PROSER2: variants seen among roughly 807,000 people sequenced by gnomAD.
PROSER2 encodes the protein proline and serine-rich protein 2.
A neutral mutation model predicts 14.6 loss-of-function variants in PROSER2; 18 were observed. That is an observed-to-expected ratio of 1.23 (90% CI 0.85 to 1.83). The LOEUF is 1.83. Among genes scored for constraint, PROSER2 ranks in the 40% most tolerant of loss-of-function variants. The pLI is 0.00. For synonymous variants in PROSER2, 367 were observed against 286.4 expected, an observed-to-expected ratio of 1.28 and a Z score of -2.84; for missense variants, 823 against 629.8, an observed-to-expected ratio of 1.31 and a Z score of -3.28.
At chr10:11,868,296 G>A (rs180879680) in intron 3 of PROSER2, among the ~76,000 whole-genome samples, 1 of 152,284 alleles carries the variant, frequency 6.6e-6, no homozygotes, top group Admixed American at 6.5e-5. Context: ...ATTTTTCTGA[G>A]ACAGGAACTC....
intron 1 of PROSER2, among the ~76,000 whole-genome samples, chr10:11,839,324 C>T (rs1000226864): frequency 1.3e-5 from 2 of 151,942 alleles, no homozygotes; most frequent in Non-Finnish European, 2.9e-5. Flanking sequence ...TAAGAAAGGC[C>T]TAAATTTGCA....
rs58498573 is a variant in PROSER2 at position 11,870,853 on chromosome 10, T to TA, written c.*456dup. 5,047 of 167,912 alleles carry TA rather than the reference T, an allele frequency of 0.03. 179 individuals are homozygous for TA. Among genetic ancestry groups the TA allele is most frequent in the East Asian group, 0.18 (947 of 5,222 alleles). 10.4% of individuals were successfully genotyped at this position (167,912 alleles called of 1,614,324 possible). ...CTCGCCGCCTTTTCTAAGAAAATAA[T>TA]AAAAAAAAATGCTTGTTTCATTTTT... is the stretch of plus-strand genomic sequence containing the variant. On this transcript the variant is annotated 3_prime_UTR_variant, in exon 4 of 4. Transcript: ENST00000277570.
intron 1 of PROSER2, among the ~76,000 whole-genome samples, chr10:11,839,367 A>G (rs1442155516): frequency 6.6e-6 from 1 of 152,164 alleles, no homozygotes; most frequent in Non-Finnish European, 1.5e-5. Flanking sequence ...AGATTGATAA[A>G]TTCAACTACA....
At chr10:11,861,314 A>C (rs1289671355) in intron 2 of PROSER2, among the ~76,000 whole-genome samples, 2 of 152,096 alleles carry the variant, frequency 1.3e-5, no homozygotes, top group African/African-American at 4.8e-5. Context: ...GTAACCATGC[A>C]CGCCGTGTTT....
intron 1 of PROSER2, among the ~76,000 whole-genome samples, chr10:11,831,239 TG>T (rs138211708): frequency 0.017 from 2,556 of 152,246 alleles, 24 homozygotes; most frequent in Non-Finnish European, 0.021. Context: ...GTGGGGGTGT[TG>T]GGGGAGCACT....
intron 1 of PROSER2, among the ~76,000 whole-genome samples, chr10:11,843,555 A>G (rs1470112424): frequency 6.6e-6 from 1 of 152,004 alleles, no homozygotes; most frequent in Admixed American, 6.6e-5. Context: ...GCGTGGTAGC[A>G]CACGCCTATA....
At chr10:11,857,104 G>C (rs1834136056) in intron 2 of PROSER2, among the ~76,000 whole-genome samples, 1 of 152,066 alleles carries the variant, frequency 6.6e-6, no homozygotes, top group Non-Finnish European at 1.5e-5. Flanking sequence ...ATAAGACTCA[G>C]TTTGCCCCCT....
chr10:11,843,907 T>C (rs1833886847), intron 1 of PROSER2, among the ~76,000 whole-genome samples: 1 of 152,046 alleles, frequency 6.6e-6, no homozygotes, highest in South Asian at 2.1e-4. Context: ...TTTTTTTTTT[T>C]TCTCAATGGG....
chr10:11,871,278 G>A lies in PROSER2; in HGVS notation c.*872G>A, dbSNP rs1008809771. 4 of 152,204 alleles carry A rather than the reference G, an allele frequency of 2.6e-5. No individual in the cohort carries two copies. The highest frequency in any genetic ancestry group is 1.9e-4 in the East Asian group (1 of 5,204). The allele number at this position is 152,204 out of a possible 1,614,324, so 9.4% of individuals were successfully genotyped here. ...GAGCCACCTCAGCATCCTGATGGAT[G>A]ATACAAGAAATTGTTACTTCCTAGT... is the stretch of plus-strand genomic sequence containing the variant. On this transcript the variant is annotated 3_prime_UTR_variant, in exon 4 of 4. Coordinates refer to ENST00000277570, the MANE Select transcript of PROSER2 (RefSeq NM_153256.4).
chr10:11,852,052 G>C lies in PROSER2; in HGVS notation c.-26G>C, dbSNP rs769506381. The C allele has an allele frequency of 2.5e-6, 4 of 1,573,834 alleles. No individual in the cohort carries two copies. The highest frequency in any genetic ancestry group is 3.5e-6 in the Non-Finnish European group (4 of 1,158,506). On this transcript the variant is annotated 5_prime_UTR_variant, in exon 2 of 4. Transcript: ENST00000277570. The stretch of plus-strand genomic sequence containing the variant: ...GGCTCCTGCCCTGCTTCCTGTGATC[G>C]AGCCGGCCCTGAGGACTCTGTGGAG...
At chr10:11,847,794 A>G (rs889309312) in intron 1 of PROSER2, among the ~76,000 whole-genome samples, 2 of 152,210 alleles carry the variant, frequency 1.3e-5, no homozygotes, top group Non-Finnish European at 2.9e-5. Flanking sequence ...TACGTCAGCC[A>G]CTAAAACTCT....
At position 11,852,090 on chromosome 10, in the gene PROSER2, CACCGGAAATCAGACGCATCTG is replaced by C; in HGVS notation, c.16_36del (p.Arg6_Asp12del). The C allele has an allele frequency of 1.9e-6, 3 of 1,611,772 alleles. No homozygotes were observed. Among genetic ancestry groups the C allele is most frequent in the Non-Finnish European group, 2.5e-6 (3 of 1,178,804 alleles). On this transcript the variant is annotated inframe_deletion, in exon 2 of 4. Coordinates refer to ENST00000277570, the MANE Select transcript of PROSER2 (RefSeq NM_153256.4). ...GGACTCTGTGGAGATGCCTGTAACC[CACCGGAAATCAGACGCATCTG>C]ACATGAACTCAGACACGTCCCCCAG...
intron 1 of PROSER2, among the ~76,000 whole-genome samples, chr10:11,827,274 ACTT>A (rs2131042732): frequency 6.6e-6 from 1 of 151,818 alleles, no homozygotes; most frequent in South Asian, 2.1e-4. Context: ...TTCTCGAACG[ACTT>A]CGTTGCTGGA....
At chr10:11,852,319 A>G (rs1424332007) in intron 2 of PROSER2, 104 bp downstream of exon 2, 1 of 1,255,606 alleles carries the variant, frequency 8.0e-7, no homozygotes. Context: ...TTTTGGGTCA[A>G]CTAGCTTGAT....
chr10:11,860,841 C>T (rs1221015538), intron 2 of PROSER2, among the ~76,000 whole-genome samples: 2 of 152,092 alleles, frequency 1.3e-5, no homozygotes, highest in East Asian at 2.0e-4. Context: ...CATGGCGGCT[C>T]ATGCTTGTAA....
At chr10:11,834,201 G>C (rs1833727006) in intron 1 of PROSER2, among the ~76,000 whole-genome samples, 1 of 150,918 alleles carries the variant, frequency 6.6e-6, no homozygotes, top group South Asian at 2.1e-4. Context: ...CACCATGTTA[G>C]CCAGAATGAT....
rs1237156751 is a variant in PROSER2 at position 11,838,467 on chromosome 10, C to A, written c.-81-13530C>A. Among the ~76,000 whole-genome samples, 1 of 152,276 alleles carries A rather than the reference C, an allele frequency of 6.6e-6. No individual in the cohort carries two copies. Among genetic ancestry groups the A allele is most frequent in the Non-Finnish European group, 1.5e-5 (1 of 68,056 alleles). ...CAACTCTTCTCAACAGCAGGCAACA[C>A]TGTATACCCATCCCGGCACGTGTTT... On this transcript the variant is annotated intron_variant, in intron 1 of 3. Coordinates refer to ENST00000277570, the MANE Select transcript of PROSER2 (RefSeq NM_153256.4). The surrounding 1 kb of genome is among the most constrained non-coding windows in gnomAD (Gnocchi z 4.4).
At chr10:11,855,398 C>T (rs1426777676) in intron 2 of PROSER2, among the ~76,000 whole-genome samples, 1 of 148,362 alleles carries the variant, frequency 6.7e-6, no homozygotes, top group Non-Finnish European at 1.5e-5. Flanking sequence ...GGTGTGAACC[C>T]GGGAGGCGGA....
Position 11,870,244 on chromosome 10 carries a change from C to CT in PROSER2, c.1148dup (p.Gly385ArgfsTer108), listed in dbSNP as rs1320578647. On this transcript the variant is annotated frameshift_variant, in exon 4 of 4. Transcript: ENST00000277570. LOFTEE classifies it low-confidence loss of function (END_TRUNC). ...TGCCCAGCACGCGGGCCCGTCAGAG[C>CT]TTCCCCGGGCCCCGGCAGCCCAACG... 6.7e-7 allele frequency: 1 copy of CT among 1,488,102 alleles called. No homozygotes were observed. The highest frequency in any genetic ancestry group is 2.3e-5 in the Admixed American group (1 of 44,106). The allele number at this position is 1,488,102 out of a possible 1,614,324, so 92.2% of individuals were successfully genotyped here.
Sources: allele counts gnomAD v4.1 joint callset (sites outside exome capture counted in the v4.1 genomes callset), GRCh38; gene constraint gnomAD v4.1.1; non-coding constraint Gnocchi (gnomAD v3.1); transcripts MANE v1.5; gene names NCBI Gene and HGNC (gene_info 2026-07-23, HGNC 2026-07-21).